Variants in RIMS2 observed in about 807,000 individuals in gnomAD.
The protein encoded by RIMS2 is regulating synaptic membrane exocytosis protein 2.
RIMS2 carries 59 observed loss-of-function variants against 174.4 expected under a neutral mutation model. The ratio of observed to expected loss-of-function variants is 0.34; its 90% CI spans 0.27 to 0.42. The LOEUF (loss-of-function observed/expected upper bound fraction) is 0.42. RIMS2 is among the 10% of genes least tolerant of loss of function. The probability of loss-of-function intolerance (pLI) is 1.00; values close to 1 mark genes in which losing one functional copy is unlikely to be tolerated. For synonymous variants in RIMS2, 606 were observed against 572.5 expected (o/e 1.06, Z -0.84); for missense variants, 1,620 against 1,666.3 (o/e 0.97, Z 0.48).
At chr8:103,744,601 A>G (rs1366278928) in intron 2 of RIMS2, among the ~76,000 whole-genome samples, 4 of 152,224 alleles carry the variant, frequency 2.6e-5, no homozygotes, top group Non-Finnish European at 5.9e-5. Context: ...CCTTCAGCCC[A>G]TTCCAAATGG....
intron 4 of RIMS2, among the ~76,000 whole-genome samples, chr8:103,890,600 G>T (rs1386978788): frequency 2.6e-5 from 4 of 151,872 alleles, no homozygotes; most frequent in Admixed American, 6.6e-5. Flanking sequence ...GATATAGTTT[G>T]CTTTTTATAA....
At chr8:103,828,843 C>T (rs1496849) in intron 3 of RIMS2, among the ~76,000 whole-genome samples, 1 of 152,012 alleles carries the variant, frequency 6.6e-6, no homozygotes. Flanking sequence ...CCATTGCTTT[C>T]TTTGTCAACT....
intron 19 of RIMS2, among the ~76,000 whole-genome samples, chr8:104,106,347 C>T (rs1036911773): frequency 5.3e-5 from 8 of 151,980 alleles, no homozygotes; most frequent in Non-Finnish European, 1.2e-4. Context: ...TTATTCTATC[C>T]TTATTCAGAG....
chr8:103,741,816 T>C (rs1444961831), intron 2 of RIMS2, among the ~76,000 whole-genome samples: 3 of 152,102 alleles, frequency 2.0e-5, no homozygotes, highest in Non-Finnish European at 4.4e-5. Context: ...ATGTGAAACA[T>C]ATGAGCTAAT....
At chr8:103,975,695 T>TTAGTCC (rs2093354123) in intron 16 of RIMS2, 189 bp downstream of exon 18, 1 of 484,460 alleles carries the variant, frequency 2.1e-6, no homozygotes, top group African/African-American at 2.0e-5. Context: ...CAGTAGTGGC[T>TTAGTCC]TAGTCCAAGT....
Position 103,934,756 on chromosome 8 carries a change from G to A in RIMS2, c.2376-1795G>A, listed in dbSNP as rs567769788. On this transcript the variant is annotated intron_variant, in intron 12 of 23. Coordinates refer to ENST00000504942, the Ensembl canonical transcript of RIMS2. ...CTTTTTGCCCAGGCTGGAGTGCAATGGCACGATCTCGGCTCACTGCAACCT... is the reference window on the plus strand; with the variant it reads ...CTTTTTGCCCAGGCTGGAGTGCAATAGCACGATCTCGGCTCACTGCAACCT... Among the ~76,000 whole-genome samples, 3 of 149,960 alleles carry A rather than the reference G, an allele frequency of 2.0e-5. No homozygotes were observed. In the East Asian group the frequency reaches 5.9e-4, roughly 29 times the overall value.
Position 103,889,888 on chromosome 8 carries a change from T to C in RIMS2, c.1624+3665T>C, listed in dbSNP as rs80157961. Among the ~76,000 whole-genome samples, 68 of 152,044 alleles carry C rather than the reference T, an allele frequency of 4.5e-4. 1 individual carries two copies. The East Asian group carries it at 0.012, about 27-fold the overall frequency. On this transcript the variant is annotated intron_variant, in intron 4 of 23. Transcript: ENST00000504942. ...GTGTAACAAAAACAGAGAGGTTTCA[T>C]GGGAAGAGTATCAGTTTTGGAGTAA...
At chr8:104,177,615 A>G (rs1198925681) in intron 19 of RIMS2, among the ~76,000 whole-genome samples, 4 of 152,196 alleles carry the variant, frequency 2.6e-5, no homozygotes, top group African/African-American at 7.2e-5. Flanking sequence ...AGGAATAATC[A>G]CATATTGGAT....
chr8:104,106,364 G>C (rs933934972), intron 19 of RIMS2, among the ~76,000 whole-genome samples: 8 of 152,014 alleles, frequency 5.3e-5, no homozygotes, highest in African/African-American at 1.9e-4. Context: ...AGAGATGCCT[G>C]CACAGATTAA....
At chr8:104,013,472 T>C (rs757294055) in exon 18 of RIMS2, 1 of 1,613,850 alleles carries the variant, frequency 6.2e-7, no homozygotes, top group East Asian at 2.2e-5. Context: ...GACAGCCATA[T>C]CACAGATCCA....
intron 19 of RIMS2, among the ~76,000 whole-genome samples, chr8:104,103,665 T>C (rs536744268): frequency 7.4e-5 from 11 of 148,424 alleles, no homozygotes; most frequent in African/African-American, 2.3e-4. Flanking sequence ...ACAGACCTTA[T>C]GCTCAAGAAA....
chr8:104,101,006 G>GTAATATATGTTATATATT (rs1566394951), intron 19 of RIMS2, among the ~76,000 whole-genome samples: 11 of 133,608 alleles, frequency 8.2e-5, no homozygotes, highest in Non-Finnish European at 1.1e-4. Flanking sequence ...TGTTATATAT[G>GTAATATATGTTATATATT]ATATATTACA....
At chr8:103,831,686 A>G (rs1396790744) in intron 3 of RIMS2, among the ~76,000 whole-genome samples, 1 of 152,122 alleles carries the variant, frequency 6.6e-6, no homozygotes, top group Non-Finnish European at 1.5e-5. Context: ...TGTCCTTTAC[A>G]TTAATTGCCA....
intron 19 of RIMS2, among the ~76,000 whole-genome samples, chr8:104,080,076 T>G (rs1345137335): frequency 6.6e-6 from 1 of 152,080 alleles, no homozygotes; most frequent in Non-Finnish European, 1.5e-5. Flanking sequence ...CATCTAGAGA[T>G]AATAATAGTG....
downstream of RIMS2, chr8:104,251,859 CAA>C (rs34085789): frequency 3.3e-3 from 2,349 of 703,736 alleles, no homozygotes; most frequent in South Asian, 6.5e-3. Flanking sequence ...ACCAGCGTTA[CAA>C]AAAAAAAAAA....
At chr8:103,762,951 A>G (rs1025509122) in intron 2 of RIMS2, among the ~76,000 whole-genome samples, 5 of 152,216 alleles carry the variant, frequency 3.3e-5, no homozygotes. Context: ...AAAATACGGT[A>G]TTATAATATT....
intron 1 of RIMS2, among the ~76,000 whole-genome samples, chr8:103,610,513 C>G (rs1465908846): frequency 6.6e-6 from 1 of 152,100 alleles, no homozygotes; most frequent in Non-Finnish European, 1.5e-5. Flanking sequence ...CCTTCAGTGC[C>G]TACTTTATTG....
At chr8:103,810,464 A>G (rs1215135072) in intron 3 of RIMS2, among the ~76,000 whole-genome samples, 1 of 152,214 alleles carries the variant, frequency 6.6e-6, no homozygotes, top group African/African-American at 2.4e-5. Flanking sequence ...GGCAATGACA[A>G]TATATTCTAT....
chr8:103,562,093 G>C (rs1389259740), intron 1 of RIMS2, among the ~76,000 whole-genome samples: 1 of 152,142 alleles, frequency 6.6e-6, no homozygotes, highest in Non-Finnish European at 1.5e-5. Context: ...GATGAGATTT[G>C]GGTGAGGAAA....
Sources: gnomAD v4.1 joint callset for allele counts (sites outside exome capture counted in the v4.1 genomes callset) on GRCh38, gnomAD v4.1.1 for gene constraint, MANE v1.5 for transcripts, NCBI Gene and HGNC (gene_info 2026-07-23, HGNC 2026-07-21) for gene names.